DLG2: variants seen among roughly 807,000 people sequenced by gnomAD.
DLG2 encodes disks large homolog 2.
A neutral mutation model predicts 132.5 loss-of-function variants in DLG2; 45 were observed. That is an observed-to-expected ratio of 0.34 (90% CI 0.27 to 0.44). The LOEUF is 0.44. Among genes scored for constraint, DLG2 ranks in the 20% least tolerant of loss-of-function variants. The probability of loss-of-function intolerance (pLI) is 1.00; values close to 1 mark genes in which losing one functional copy is unlikely to be tolerated. For synonymous variants in DLG2, 424 were observed against 419.6 expected, an observed-to-expected ratio of 1.01 and a Z score of -0.13; for missense variants, 1,045 against 1,196.9, an observed-to-expected ratio of 0.87 and a Z score of 1.87.
chr11:85,494,386 G>C (rs1380946338), intron 3 of DLG2, among the ~76,000 whole-genome samples: 1 of 152,118 alleles, frequency 6.6e-6, no homozygotes, highest in Non-Finnish European at 1.5e-5. Context: ...AGTGTGTCTA[G>C]TTATATATTT....
intron 4 of DLG2, among the ~76,000 whole-genome samples, chr11:85,197,511 G>A (rs1159615643): frequency 2.6e-5 from 4 of 152,070 alleles, no homozygotes; most frequent in Non-Finnish European, 5.9e-5. Context: ...GATTATTTTA[G>A]AAAAGCTATA....
chr11:84,373,923 A>AT (rs2098719120), intron 7 of DLG2, among the ~76,000 whole-genome samples: 1 of 152,146 alleles, frequency 6.6e-6, no homozygotes, highest in Non-Finnish European at 1.5e-5. Flanking sequence ...AAGGATGATA[A>AT]TTTTCTCATT....
intron 3 of DLG2, among the ~76,000 whole-genome samples, chr11:85,436,032 A>C (rs2091460414): frequency 6.6e-6 from 1 of 152,058 alleles, no homozygotes; most frequent in Admixed American, 6.6e-5. Flanking sequence ...ACTGATCTTC[A>C]ACAAACCTAA....
chr11:84,927,702 A>G (rs1240694199), intron 6 of DLG2, among the ~76,000 whole-genome samples: 2 of 151,996 alleles, frequency 1.3e-5, no homozygotes, highest in Non-Finnish European at 2.9e-5. Context: ...TGAATTTCAT[A>G]TAATGTTCAC....
Position 84,565,028 on chromosome 11 carries a change from C to T in DLG2, c.358-30297G>A, listed in dbSNP as rs115872774. Among the ~76,000 whole-genome samples, 820 of 152,274 alleles carry T rather than the reference C, an allele frequency of 5.4e-3. 3 individuals are homozygous for T. Among genetic ancestry groups the T allele is most frequent in the Middle Eastern group, 0.031 (9 of 294 alleles). On this transcript the variant is annotated intron_variant, in intron 6 of 27. Coordinates refer to ENST00000376104, the MANE Select transcript of DLG2 (RefSeq NM_001142699.3). Reference sequence around the variant, plus strand: ...TTGTCACCATTTCTGTGTATCACTACATTTTAAATTCTTCCTGATATTACT... The same window carrying T: ...TTGTCACCATTTCTGTGTATCACTATATTTTAAATTCTTCCTGATATTACT...
rs548500711 is a variant in DLG2, at chr11:84,634,320, A to G, written c.358-99589T>C. ...CCTGACACACATAAAGTATTCAAAA[A>G]TACATAACAAATAGTAAAATTAAGT... On this transcript the variant is annotated intron_variant, in intron 6 of 27. Coordinates refer to ENST00000376104, the MANE Select transcript of DLG2 (RefSeq NM_001142699.3). Among the ~76,000 whole-genome samples the G allele has an allele frequency of 8.5e-5, 13 of 152,338 alleles. No homozygotes were observed. The South Asian group carries it at 2.7e-3, about 32-fold the overall frequency.
At chr11:84,747,080 G>C (rs2065472017) in intron 6 of DLG2, among the ~76,000 whole-genome samples, 1 of 152,172 alleles carries the variant, frequency 6.6e-6, no homozygotes. Context: ...CTTGGAGTTT[G>C]AGTAGGCAAT....
intron 20 of DLG2, among the ~76,000 whole-genome samples, chr11:83,534,875 G>A (rs2095844574): frequency 6.6e-6 from 1 of 152,216 alleles, no homozygotes; most frequent in South Asian, 2.1e-4. Flanking sequence ...CCCGGGAGGT[G>A]GAGGTTGCAG....
intron 18 of DLG2, among the ~76,000 whole-genome samples, chr11:83,748,755 T>C (rs2093095988): frequency 6.6e-6 from 1 of 152,210 alleles, no homozygotes; most frequent in African/African-American, 2.4e-5. Context: ...TTATGTGCAC[T>C]ATTTATATTG....
At chr11:84,341,289 G>A (rs1252691355) in intron 7 of DLG2, among the ~76,000 whole-genome samples, 1 of 152,122 alleles carries the variant, frequency 6.6e-6, no homozygotes, top group Admixed American at 6.6e-5. Flanking sequence ...GGTAGCTGTG[G>A]TTGTGAAATT....
intron 6 of DLG2, among the ~76,000 whole-genome samples, chr11:84,914,478 T>C (rs2092328795): frequency 6.6e-6 from 1 of 152,220 alleles, no homozygotes; most frequent in Admixed American, 6.5e-5. Context: ...TGCTCAAACT[T>C]CAATTTGTTA....
intron 3 of DLG2, among the ~76,000 whole-genome samples, chr11:85,510,881 C>G (rs923206090): frequency 2.3e-4 from 35 of 152,128 alleles, no homozygotes; most frequent in African/African-American, 7.7e-4. Context: ...GGTATACACC[C>G]AAAGGATTAT....
intron 6 of DLG2, among the ~76,000 whole-genome samples, chr11:84,957,094 C>A (rs1243531084): frequency 6.6e-6 from 1 of 152,106 alleles, no homozygotes; most frequent in Non-Finnish European, 1.5e-5. Context: ...CTTACAACAA[C>A]CTTAGGGGAG....
At chr11:85,394,929 C>T (rs1350386467) in intron 3 of DLG2, among the ~76,000 whole-genome samples, 1 of 152,130 alleles carries the variant, frequency 6.6e-6, no homozygotes, top group African/African-American at 2.4e-5. Flanking sequence ...TGCAGGGCTC[C>T]AATTAATTGT....
chr11:85,311,426 G>A (rs1036912635), intron 3 of DLG2, among the ~76,000 whole-genome samples: 18 of 152,160 alleles, frequency 1.2e-4, no homozygotes, highest in African/African-American at 4.3e-4. Context: ...CACACCTATA[G>A]TAAGTGGTGA....
At chr11:84,502,411 T>G (rs535500508) in intron 7 of DLG2, among the ~76,000 whole-genome samples, 2 of 127,972 alleles carry the variant, frequency 1.6e-5, no homozygotes, top group Admixed American at 8.6e-5. Flanking sequence ...TCTTTCTTTC[T>G]TTCTATACAG....
chr11:85,072,343 C>T (rs1201158732), intron 6 of DLG2, among the ~76,000 whole-genome samples: 1 of 151,798 alleles, frequency 6.6e-6, no homozygotes, highest in Non-Finnish European at 1.5e-5. Flanking sequence ...TTGAGTCCTA[C>T]TGTGAAAATT....
intron 4 of DLG2, among the ~76,000 whole-genome samples, chr11:85,188,299 A>G (rs1279233633): frequency 1.3e-5 from 2 of 152,236 alleles, no homozygotes; most frequent in Non-Finnish European, 2.9e-5. Flanking sequence ...AGGATTTCAA[A>G]CAAAAGTAAA....
At chr11:84,687,112 T>C (rs1441684238) in intron 6 of DLG2, 1 of 152,170 alleles carries the variant, frequency 6.6e-6, no homozygotes, top group Non-Finnish European at 1.5e-5. Context: ...GAAGGACTTC[T>C]GTTTTCCTAG....
Sources: gnomAD v4.1 joint callset for allele counts (sites outside exome capture counted in the v4.1 genomes callset) on GRCh38, gnomAD v4.1.1 for gene constraint, MANE v1.5 for transcripts, NCBI Gene and HGNC (gene_info 2026-07-23, HGNC 2026-07-21) for gene names.